The following VOPP1 variants were observed in gnomAD, a reference collection of about 807,000 sequenced individuals.
VOPP1 encodes VOPP1 WW domain binding protein, also known as WW domain binding protein VOPP1.
In VOPP1, 8 loss-of-function variants were observed where a neutral mutation model predicts 23.5. The observed-to-expected ratio is 0.34, with a 90% CI of 0.20 to 0.61. The LOEUF is 0.61. Ranked by LOEUF, VOPP1 falls within the 20% of genes least tolerant of loss-of-function variation. The pLI is 0.78. For missense variants in VOPP1, 174 were observed against 238.1 expected (o/e 0.73, Z 1.77); for synonymous variants, 83 against 97.3 (o/e 0.85, Z 0.86).
chr7:55,566,321 C>A lies in VOPP1; in HGVS notation c.54+5950G>T, dbSNP rs78713991. On this transcript the variant is annotated intron_variant, in intron 1 of 4. Transcript: ENST00000285279. ...TTGTCAGGAAAATTACACTGTCCCCCCAAAATGGACTCATCATTCTAAAAT... is the reference window on the plus strand; with the variant it reads ...TTGTCAGGAAAATTACACTGTCCCCACAAAATGGACTCATCATTCTAAAAT... 7.6e-3 allele frequency among the ~76,000 whole-genome samples: 1,162 copies of A among 152,110 alleles called. 19 individuals are homozygous for A. The highest frequency in any genetic ancestry group is 0.027 in the East Asian group (142 of 5,178).
intron 1 of VOPP1, among the ~76,000 whole-genome samples, chr7:55,532,567 A>T (rs1796557297): frequency 6.6e-6 from 1 of 152,188 alleles, no homozygotes. Flanking sequence ...GGAACCTGTG[A>T]TCCAAAATGA....
chr7:55,475,761 A>T (rs1013459884), intron 4 of VOPP1, among the ~76,000 whole-genome samples: 15 of 152,368 alleles, frequency 9.8e-5, no homozygotes, highest in Non-Finnish European at 1.8e-4. Context: ...TTTCTCCACA[A>T]GATGGGGTAG....
chr7:55,493,453 C>T (rs1288380012), intron 3 of VOPP1, among the ~76,000 whole-genome samples: 1 of 152,228 alleles, frequency 6.6e-6, no homozygotes, highest in Non-Finnish European at 1.5e-5. Flanking sequence ...TACGATAAAG[C>T]CTTTGAGAAT....
At chr7:55,459,414 C>T (rs1171218563) in intron 4 of VOPP1, among the ~76,000 whole-genome samples, 1 of 152,098 alleles carries the variant, frequency 6.6e-6, no homozygotes, top group East Asian at 1.9e-4. Context: ...ATTCCCTCCT[C>T]TTCAATTGTT....
At chr7:55,499,787 T>C (rs1794239078) in intron 2 of VOPP1, among the ~76,000 whole-genome samples, 1 of 152,136 alleles carries the variant, frequency 6.6e-6, no homozygotes, top group Non-Finnish European at 1.5e-5. Flanking sequence ...CACGGCTGCA[T>C]GCTGGAGATG....
At chr7:55,479,478 A>G (rs967355829) in intron 4 of VOPP1, among the ~76,000 whole-genome samples, 1 of 152,152 alleles carries the variant, frequency 6.6e-6, no homozygotes, top group Non-Finnish European at 1.5e-5. Flanking sequence ...TCATTTTGCT[A>G]AACTGTCTCA....
chr7:55,535,985 G>A (rs1796762533), intron 1 of VOPP1, among the ~76,000 whole-genome samples: 1 of 152,188 alleles, frequency 6.6e-6, no homozygotes, highest in South Asian at 2.1e-4. Flanking sequence ...GCCAAGCAAG[G>A]ATCATGCACT....
chr7:55,441,718 C>T (rs1393890015), intron 4 of VOPP1, among the ~76,000 whole-genome samples: 2 of 152,126 alleles, frequency 1.3e-5, no homozygotes, highest in African/African-American at 4.8e-5. Context: ...GCACCCCCAC[C>T]CTCACCCCCC....
chr7:55,454,085 G>A (rs1583804064), intron 4 of VOPP1, among the ~76,000 whole-genome samples: 1 of 152,120 alleles, frequency 6.6e-6, no homozygotes, highest in African/African-American at 2.4e-5. Flanking sequence ...TGGGGTATAT[G>A]TCATATTTTG....
At chr7:55,499,078 C>T (rs879478000) in intron 2 of VOPP1, among the ~76,000 whole-genome samples, 14 of 152,118 alleles carry the variant, frequency 9.2e-5, no homozygotes, top group Non-Finnish European at 2.1e-4. Flanking sequence ...GAATCCCTAC[C>T]CAGTACCCAA....
chr7:55,542,414 C>G (rs1451668327), intron 1 of VOPP1, among the ~76,000 whole-genome samples: 1 of 152,186 alleles, frequency 6.6e-6, no homozygotes, highest in Non-Finnish European at 1.5e-5. Context: ...TCCCCGTCTC[C>G]CCACTACCCT....
chr7:55,559,940 G>C (rs758648872), intron 1 of VOPP1, among the ~76,000 whole-genome samples: 1 of 152,196 alleles, frequency 6.6e-6, no homozygotes, highest in Non-Finnish European at 1.5e-5. Flanking sequence ...ATCACCTGAG[G>C]TCAGGAGTTC....
chr7:55,476,447 G>T (rs1301205208), intron 4 of VOPP1, among the ~76,000 whole-genome samples: 14 of 151,312 alleles, frequency 9.3e-5, no homozygotes, highest in South Asian at 4.2e-4. Flanking sequence ...TGGGCGGGGG[G>T]GCTGGGCCAA....
chr7:55,544,945 C>G (rs532755982), intron 1 of VOPP1, among the ~76,000 whole-genome samples: 2 of 152,184 alleles, frequency 1.3e-5, no homozygotes, highest in Non-Finnish European at 2.9e-5. Context: ...TTCGTGTAAT[C>G]GGTACTGATA....
At chr7:55,464,866 T>C (rs941681908) in intron 4 of VOPP1, among the ~76,000 whole-genome samples, 2 of 152,170 alleles carry the variant, frequency 1.3e-5, no homozygotes, top group African/African-American at 2.4e-5. Flanking sequence ...ACTAATGGCA[T>C]TGGAGGACTT....
intron 2 of VOPP1, among the ~76,000 whole-genome samples, chr7:55,503,351 C>T (rs1794495757): frequency 6.6e-6 from 1 of 152,126 alleles, no homozygotes; most frequent in African/African-American, 2.4e-5. Flanking sequence ...AAGAAGGAAG[C>T]ATGTGTTATG....
At chr7:55,542,266 C>T (rs2129051201) in intron 1 of VOPP1, among the ~76,000 whole-genome samples, 1 of 152,272 alleles carries the variant, frequency 6.6e-6, no homozygotes, top group East Asian at 1.9e-4. Flanking sequence ...GTGTTGGGAA[C>T]ATTCCAAATT....
chr7:55,556,269 C>CA (rs1214882623), intron 1 of VOPP1, among the ~76,000 whole-genome samples: 2 of 152,340 alleles, frequency 1.3e-5, no homozygotes, highest in African/African-American at 4.8e-5. Context: ...CCCAGCAGGA[C>CA]AATGACCCTG....
intron 1 of VOPP1, among the ~76,000 whole-genome samples, chr7:55,564,243 G>GTCTCTCTCTCTCTCTCTCTCTCTCTCTC (rs71561947): frequency 4.0e-4 from 51 of 125,966 alleles, no homozygotes; most frequent in Non-Finnish European, 5.1e-4. Flanking sequence ...CTCTGTCTCT[G>GTCTCTCTCTCTCTCTCTCTCTCTCTCTC]TCTCTCTCTC....
Sources: gnomAD v4.1 joint callset for allele counts (sites outside exome capture counted in the v4.1 genomes callset) on GRCh38, gnomAD v4.1.1 for gene constraint, MANE v1.5 for transcripts, NCBI Gene and HGNC (gene_info 2026-07-23, HGNC 2026-07-21) for gene names.